The following ANKFN1 variants were observed in gnomAD, a reference collection of about 807,000 sequenced individuals.
ANKFN1 encodes ankyrin repeat and fibronectin type III domain containing 1, also known as ankyrin repeat and fibronectin type-III domain-containing protein 1.
ANKFN1 carries 74 observed loss-of-function variants against 108.7 expected under a neutral mutation model. The ratio of observed to expected loss-of-function variants is 0.68; its 90% CI spans 0.56 to 0.83. The LOEUF (loss-of-function observed/expected upper bound fraction) is 0.83. Among genes scored for constraint, ANKFN1 ranks in the 40% least tolerant of loss-of-function variants. ANKFN1 has a pLI of 0.00. For missense variants in ANKFN1, 1,505 were observed against 1,382.3 expected (o/e 1.09, Z -1.41); for synonymous variants, 547 against 516.2 (o/e 1.06, Z -0.81).
At chr17:56,458,657 C>G (rs1419369121) in intron 14 of ANKFN1, among the ~76,000 whole-genome samples, 2 of 152,014 alleles carry the variant, frequency 1.3e-5, no homozygotes, top group African/African-American at 2.4e-5. Context: ...TTACTGTTTT[C>G]TGGTATTAAG....
chr17:56,239,073 A>G lies in ANKFN1; in HGVS notation c.53+11116A>G, dbSNP rs758033311. Among the ~76,000 whole-genome samples the G allele has an allele frequency of 3.0e-4, 45 of 152,304 alleles. 1 individual carries two copies. The highest frequency in any genetic ancestry group is 6.5e-4 in the Admixed American group (10 of 15,274). On this transcript the variant is annotated intron_variant, in intron 3 of 20. Transcript: ENST00000682825. ...AATGTTTTCATCTTTAGTATTGATTATGATTCAAAGATTTCATCATTCTAT... is the reference window on the plus strand; with the variant it reads ...AATGTTTTCATCTTTAGTATTGATTGTGATTCAAAGATTTCATCATTCTAT...
chr17:56,144,185 A>AAAAAAACTACT lies in ANKFN1; in HGVS notation c.289-83732_289-83731insAAAAAACTACT, dbSNP rs1555600058. Among the ~76,000 whole-genome samples, 8 of 99,230 alleles carry AAAAAAACTACT rather than the reference A, an allele frequency of 8.1e-5. 1 individual carries two copies. The highest frequency in any genetic ancestry group is 8.5e-5 in the Non-Finnish European group (4 of 47,096). The allele number at this position is 99,230 out of a possible 152,430, so 65.1% of individuals were successfully genotyped here. On this transcript the variant is annotated intron_variant, in intron 4 of 12. Transcript: ENST00000635860. ...AAAAAAAAAAAAAAAAAAAAAAAAA[A>AAAAAAACTACT]CAGCCCAAACCAAATGAATGCAGAG...
intron 8 of ANKFN1, among the ~76,000 whole-genome samples, chr17:56,379,746 T>C (rs1164060126): frequency 2.6e-5 from 4 of 152,220 alleles, no homozygotes; most frequent in African/African-American, 9.6e-5. Context: ...GTTTTAATAT[T>C]TTCTGTTATA....
Position 56,336,958 on chromosome 17 carries a change from G to A in ANKFN1, c.188+10603G>A, listed in dbSNP as rs1345116931. Among the ~76,000 whole-genome samples, 3 of 152,070 alleles carry A rather than the reference G, an allele frequency of 2.0e-5. No homozygotes were observed. In the East Asian group the frequency reaches 5.8e-4, roughly 29 times the overall value. On this transcript the variant is annotated intron_variant, in intron 4 of 20. Transcript: ENST00000682825. ...GGTTTCAAAGAACATCTTTATTTCTGCCTTCCTTTCGTTATTTACCCAGTA... is the reference window on the plus strand; with the variant it reads ...GGTTTCAAAGAACATCTTTATTTCTACCTTCCTTTCGTTATTTACCCAGTA...
chr17:56,504,534 T>A (rs2051488152), intron 20 of ANKFN1, among the ~76,000 whole-genome samples: 1 of 152,190 alleles, frequency 6.6e-6, no homozygotes, highest in African/African-American at 2.4e-5. Context: ...TCAACAGCAT[T>A]CTCACCTTGA....
intron 10 of ANKFN1, among the ~76,000 whole-genome samples, chr17:56,446,609 TA>T (rs2049298861): frequency 2.0e-5 from 3 of 152,184 alleles, no homozygotes; most frequent in Non-Finnish European, 2.9e-5. Flanking sequence ...TTTGTTTTCT[TA>T]AACCTCAGAC....
intron 4 of ANKFN1, among the ~76,000 whole-genome samples, chr17:56,142,062 C>G (rs1288009210): frequency 6.6e-6 from 1 of 151,640 alleles, no homozygotes. Context: ...TCCCCAGTAG[C>G]TGGGACTACA....
intron 4 of ANKFN1, among the ~76,000 whole-genome samples, chr17:56,110,284 G>A (rs779716606): frequency 2.6e-5 from 4 of 152,056 alleles, no homozygotes; most frequent in Non-Finnish European, 4.4e-5. Context: ...TGTCTAGAAG[G>A]CTCCCGTCCC....
intron 3 of ANKFN1, among the ~76,000 whole-genome samples, chr17:56,280,242 A>T (rs1043704197): frequency 6.6e-6 from 1 of 152,014 alleles, no homozygotes; most frequent in South Asian, 2.1e-4. Flanking sequence ...TTTTTTCCAG[A>T]AGAGATTAGC....
chr17:56,133,847 G>T (rs1907436246), intron 4 of ANKFN1, among the ~76,000 whole-genome samples: 1 of 152,006 alleles, frequency 6.6e-6, no homozygotes, highest in Non-Finnish European at 1.5e-5. Flanking sequence ...GATGTGCAGG[G>T]ATATTTTATC....
chr17:56,049,454 A>T (rs534463959), intron 4 of ANKFN1, among the ~76,000 whole-genome samples: 1 of 151,722 alleles, frequency 6.6e-6, no homozygotes, highest in Non-Finnish European at 1.5e-5. Context: ...GGTTAGTTAC[A>T]TATGTATACA....
chr17:56,377,903 T>C (rs1163642522), intron 8 of ANKFN1, among the ~76,000 whole-genome samples: 2 of 152,234 alleles, frequency 1.3e-5, no homozygotes, highest in East Asian at 3.9e-4. Flanking sequence ...GTTTGCTAAT[T>C]ACAACATGCT....
intron 3 of ANKFN1, among the ~76,000 whole-genome samples, chr17:56,234,557 A>G (rs1467595382): frequency 2.0e-5 from 3 of 151,968 alleles, no homozygotes; most frequent in Admixed American, 2.0e-4. Context: ...TTGTGTCCAT[A>G]AGTTCTCATC....
intron 8 of ANKFN1, among the ~76,000 whole-genome samples, chr17:56,407,690 A>G (rs540397629): frequency 1.3e-5 from 2 of 152,284 alleles, no homozygotes; most frequent in South Asian, 4.1e-4. Context: ...TAAAAATCAA[A>G]TAGAAAATAG....
chr17:56,209,338 C>A (rs980475113), intron 1 of ANKFN1, among the ~76,000 whole-genome samples: 3 of 151,998 alleles, frequency 2.0e-5, no homozygotes, highest in Middle Eastern at 6.3e-3. Context: ...ACCCAAATAC[C>A]AAAACCAGGA....
At chr17:56,196,207 G>C (rs1326258418) in intron 1 of ANKFN1, among the ~76,000 whole-genome samples, 1 of 152,176 alleles carries the variant, frequency 6.6e-6, no homozygotes, top group Non-Finnish European at 1.5e-5. Context: ...AGTTATCCAT[G>C]ATTGCACCAC....
At chr17:56,137,943 A>G (rs920433827) in intron 4 of ANKFN1, among the ~76,000 whole-genome samples, 2 of 152,196 alleles carry the variant, frequency 1.3e-5, no homozygotes, top group Non-Finnish European at 2.9e-5. Context: ...AAAGAGAGGG[A>G]AAAAATAGAT....
At chr17:56,204,012 CTGTT>C (rs3085316) in intron 1 of ANKFN1, among the ~76,000 whole-genome samples, 106,895 of 150,772 alleles carry the variant, frequency 0.71, 38,386 homozygotes, top group East Asian at 0.94. Flanking sequence ...AAATCAGGCA[CTGTT>C]TGTTTGTTTG....
chr17:56,492,496 G>A (rs2051073450), intron 19 of ANKFN1, 143 bp downstream of exon 19: 2 of 550,652 alleles, frequency 3.6e-6, no homozygotes, highest in East Asian at 2.8e-5. Context: ...TGGTTAAAAT[G>A]TGGAGCTCAG....
Sources: gnomAD v4.1 joint callset for allele counts (sites outside exome capture counted in the v4.1 genomes callset) on GRCh38, gnomAD v4.1.1 for gene constraint, MANE v1.5 for transcripts, NCBI Gene and HGNC (gene_info 2026-07-23, HGNC 2026-07-21) for gene names.